The following STK32C variants were observed in gnomAD, a reference collection of about 807,000 sequenced individuals.
The protein encoded by STK32C is serine/threonine kinase 32C, also known as serine/threonine-protein kinase 32C.
A neutral mutation model predicts 56.5 loss-of-function variants in STK32C; 31 were observed. The observed-to-expected ratio is 0.55, with a 90% CI of 0.41 to 0.74. The LOEUF (loss-of-function observed/expected upper bound fraction) is 0.74, where lower values mean the gene tolerates loss of function less well. Ranked by LOEUF, STK32C falls within the 30% of genes least tolerant of loss-of-function variation. The probability of loss-of-function intolerance (pLI) is 0.00; values close to 1 mark genes in which losing one functional copy is unlikely to be tolerated. For synonymous variants in STK32C, 309 were observed against 289.4 expected (o/e 1.07, Z -0.69); for missense variants, 544 against 676.9 (o/e 0.80, Z 2.18).
At chr10:132,221,406 C>T (rs1214376310) in intron 10 of STK32C, among the ~76,000 whole-genome samples, 1 of 141,800 alleles carries the variant, frequency 7.1e-6, no homozygotes, top group Non-Finnish European at 1.5e-5. Flanking sequence ...AAAGCCAGCA[C>T]ACCTGGGCTA....
intron 1 of STK32C, among the ~76,000 whole-genome samples, chr10:132,306,516 G>A (rs560473229): frequency 8.5e-5 from 13 of 152,192 alleles, no homozygotes; most frequent in Non-Finnish European, 1.8e-4. Flanking sequence ...CCGGAGGAAC[G>A]GCGGTGCACG....
At position 132,274,372 on chromosome 10, in the gene STK32C, T is replaced by C. The variant is rs558872302; in HGVS notation, c.263-28417A>G. ...CACCATTGCTAGGGAAAGGCGGCTG[T>C]TTTAAATCCTATCTCATGGTAAGTG... is the stretch of plus-strand genomic sequence containing the variant. On this transcript the variant is annotated intron_variant, in intron 1 of 11. Coordinates refer to ENST00000298630, the MANE Select transcript of STK32C (RefSeq NM_173575.4). Among the ~76,000 whole-genome samples, 253 of 152,286 alleles carry C rather than the reference T, an allele frequency of 1.7e-3. 1 individual carries two copies. Among genetic ancestry groups the C allele is most frequent in the Non-Finnish European group, 1.9e-3 (127 of 68,016 alleles).
intron 1 of STK32C, among the ~76,000 whole-genome samples, chr10:132,315,230 C>T (rs963777851): frequency 6.6e-6 from 1 of 152,198 alleles, no homozygotes; most frequent in East Asian, 1.9e-4. Flanking sequence ...GAAAACCAAA[C>T]ACCACATGTT....
chr10:132,308,563 G>C (rs896824428), upstream of STK32C, among the ~76,000 whole-genome samples: 3 of 140,280 alleles, frequency 2.1e-5, no homozygotes, highest in African/African-American at 7.7e-5. Flanking sequence ...CAAGCGCTGC[G>C]CCAGAGGGTG....
At chr10:132,233,189 A>C (rs1465392644) in intron 2 of STK32C, among the ~76,000 whole-genome samples, 3 of 152,074 alleles carry the variant, frequency 2.0e-5, no homozygotes, top group Admixed American at 2.0e-4. Flanking sequence ...GGGGCTGGAG[A>C]AGGTGTCTGC....
intron 1 of STK32C, among the ~76,000 whole-genome samples, chr10:132,298,151 A>G (rs1373121140): frequency 1.3e-5 from 2 of 152,128 alleles, no homozygotes; most frequent in Admixed American, 1.3e-4. Context: ...GCTCTTCCAA[A>G]CAGCCCGGCC....
At chr10:132,284,344 TGGGGGGAACAGGTGAGGTTG>T (rs2065314565) in intron 1 of STK32C, among the ~76,000 whole-genome samples, 1 of 18,422 alleles carries the variant, frequency 5.4e-5, no homozygotes, top group African/African-American at 2.3e-4. Context: ...CAGGTGAGGT[TGGGGGGAACAGGTGAGGTTG>T]GGGGGGGCAG....
downstream of STK32C, among the ~76,000 whole-genome samples, chr10:132,322,848 A>G (rs2066435496): frequency 6.6e-6 from 1 of 152,166 alleles, no homozygotes; most frequent in African/African-American, 2.4e-5. Flanking sequence ...AAACATGTGC[A>G]TGTCTCAGCC....
In STK32C at chr10:132,227,029, C is replaced by T. The variant is rs1213820422; in HGVS notation, c.471-61G>A. The T allele has an allele frequency of 3.8e-6, 6 of 1,574,466 alleles. No individual in the cohort carries two copies. In the Admixed American group the frequency reaches 1.0e-4, roughly 27 times the overall value. The stretch of plus-strand genomic sequence containing the variant: ...GCTGGGGAGCCAGTCATGGCTGCTC[C>T]CACAGCTGACACACTCCCCCTAAGG... On this transcript the variant is annotated intron_variant, in intron 3 of 11. Transcript: ENST00000298630.
At chr10:132,293,103 G>A (rs2065621998) in intron 1 of STK32C, among the ~76,000 whole-genome samples, 1 of 152,264 alleles carries the variant, frequency 6.6e-6, no homozygotes, top group Admixed American at 6.5e-5. Flanking sequence ...GTGCGGGGCG[G>A]TCAGTGCAGC....
intron 10 of STK32C, among the ~76,000 whole-genome samples, chr10:132,213,989 T>TG (rs2062393075): frequency 7.1e-6 from 1 of 140,990 alleles, no homozygotes; most frequent in Non-Finnish European, 1.5e-5. Context: ...AAAAAAAGAG[T>TG]GAAAAAAATG....
intron 1 of STK32C, among the ~76,000 whole-genome samples, chr10:132,247,230 A>G (rs72856743): frequency 6.6e-6 from 1 of 152,282 alleles, no homozygotes; most frequent in Non-Finnish European, 1.5e-5. Flanking sequence ...CAAGTGCTTT[A>G]GGCACTCAGT....
At chr10:132,224,900 A>C (rs2637636) in intron 7 of STK32C, among the ~76,000 whole-genome samples, 31,298 of 152,142 alleles carry the variant, frequency 0.21, 3,812 homozygotes, top group South Asian at 0.36. Flanking sequence ...CCGTGGCCAC[A>C]AGGGTAAGAG....
At chr10:132,319,982 G>A (rs1320012259), downstream of STK32C, among the ~76,000 whole-genome samples, 1 of 150,312 alleles carries the variant, frequency 6.7e-6, no homozygotes, top group Non-Finnish European at 1.5e-5. Context: ...CCGCCTCCCA[G>A]GTTCAAGCAA....
chr10:132,265,230 A>G (rs11146285), intron 1 of STK32C, among the ~76,000 whole-genome samples: 67,233 of 128,196 alleles, frequency 0.52, 17,509 homozygotes, highest in African/African-American at 0.66. Context: ...CTGCCAGGGC[A>G]GCGAGGTGGC....
intron 2 of STK32C, among the ~76,000 whole-genome samples, chr10:132,231,509 G>A (rs111251944): frequency 2.2e-4 from 34 of 152,370 alleles, no homozygotes; most frequent in African/African-American, 8.2e-4. Flanking sequence ...AGTGCAGGGT[G>A]AGTGGCCATG....
chr10:132,253,499 G>A (rs1333025025), intron 1 of STK32C, among the ~76,000 whole-genome samples: 7 of 91,744 alleles, frequency 7.6e-5, no homozygotes, highest in Middle Eastern at 8.9e-3. Context: ...GGAGGGAGTC[G>A]AGGGAGCTGA....
At chr10:132,318,597 AGAGT>A (rs1199018984) in intron 1 of STK32C, among the ~76,000 whole-genome samples, 6 of 151,932 alleles carry the variant, frequency 3.9e-5, no homozygotes, top group African/African-American at 1.2e-4. Context: ...CCTGGGCAAC[AGAGT>A]GAGACCTTGC....
At chr10:132,278,207 C>T (rs1163821102) in intron 1 of STK32C, among the ~76,000 whole-genome samples, 1 of 152,162 alleles carries the variant, frequency 6.6e-6, no homozygotes, top group African/African-American at 2.4e-5. Context: ...TAGATCCCCA[C>T]CTCATGTCCA....
Sources: gnomAD v4.1 joint callset for allele counts (sites outside exome capture counted in the v4.1 genomes callset) on GRCh38, gnomAD v4.1.1 for gene constraint, MANE v1.5 for transcripts, NCBI Gene and HGNC (gene_info 2026-07-23, HGNC 2026-07-21) for gene names.